MED27: variants seen among roughly 807,000 people sequenced by gnomAD.
The protein encoded by MED27 is mediator of RNA polymerase II transcription subunit 27.
In MED27, 30 loss-of-function variants were observed where a neutral mutation model predicts 38.2. That is an observed-to-expected ratio of 0.79 (90% CI 0.59 to 1.07). MED27 has a LOEUF of 1.07. MED27 is among the 50% of genes least tolerant of loss of function. The pLI is 0.00. For missense variants in MED27, 289 were observed against 397.5 expected (o/e 0.73, Z 2.32); for synonymous variants, 122 against 153.5 (o/e 0.79, Z 1.52).
intron 2 of MED27, among the ~76,000 whole-genome samples, chr9:132,025,434 G>A (rs577780312): frequency 4.6e-5 from 7 of 152,150 alleles, no homozygotes; most frequent in East Asian, 1.9e-4. Flanking sequence ...TGCCCGCCTC[G>A]ACCTCCCAAA....
intron 3 of MED27, among the ~76,000 whole-genome samples, chr9:131,942,002 T>G (rs1220066494): frequency 6.6e-6 from 1 of 151,950 alleles, no homozygotes; most frequent in Non-Finnish European, 1.5e-5. Flanking sequence ...ACTTTTTGTA[T>G]TTTTAGTAGA....
intron 4 of MED27, among the ~76,000 whole-genome samples, chr9:131,901,849 A>C (rs1361751913): frequency 6.6e-6 from 1 of 152,194 alleles, no homozygotes; most frequent in African/African-American, 2.4e-5. Context: ...TCTGCCTAAC[A>C]ACCCGGGATT....
At position 132,003,583 on chromosome 9, in the gene MED27, A is replaced by G. The variant is rs1451936069; in HGVS notation, c.479+10754T>C. Among the ~76,000 whole-genome samples, 2 of 151,684 alleles carry G rather than the reference A, an allele frequency of 1.3e-5. No individual in the cohort carries two copies. The highest frequency in any genetic ancestry group is 2.9e-5 in the Non-Finnish European group (2 of 67,916). ...ATGGGGTGGCAGGGCTCTGTCACCA[A>G]CTCCTCTGCCTGCTCTTCTGGTCTC... On this transcript the variant is annotated intron_variant, in intron 3 of 7. Coordinates refer to ENST00000292035, the MANE Select transcript of MED27 (RefSeq NM_004269.4). The surrounding 1 kb of genome is among the most constrained non-coding windows in gnomAD (Gnocchi z 4.2).
chr9:131,929,542 G>A (rs1830542747), intron 4 of MED27, among the ~76,000 whole-genome samples: 1 of 152,156 alleles, frequency 6.6e-6, no homozygotes, highest in African/African-American at 2.4e-5. Flanking sequence ...CCTGTATGGT[G>A]AGTGTAAATT....
intron 4 of MED27, among the ~76,000 whole-genome samples, chr9:131,930,555 T>G (rs1167025835): frequency 6.6e-6 from 1 of 152,038 alleles, no homozygotes. Flanking sequence ...AAAGACTTTT[T>G]CAGACAAACA....
At chr9:131,915,616 T>C (rs1830275180) in intron 4 of MED27, among the ~76,000 whole-genome samples, 1 of 152,250 alleles carries the variant, frequency 6.6e-6, no homozygotes, top group Non-Finnish European at 1.5e-5. Flanking sequence ...ATTAAGTGCA[T>C]GAACAAGGCC....
At chr9:132,058,048 C>T (rs1420546471) in intron 2 of MED27, among the ~76,000 whole-genome samples, 2 of 152,044 alleles carry the variant, frequency 1.3e-5, no homozygotes, top group Non-Finnish European at 2.9e-5. Flanking sequence ...AGTGATAATC[C>T]TATTTTTTTA....
intron 4 of MED27, among the ~76,000 whole-genome samples, chr9:131,918,627 T>G (rs979008077): frequency 1.3e-5 from 2 of 152,244 alleles, no homozygotes; most frequent in African/African-American, 4.8e-5. Flanking sequence ...AAAACAGGTT[T>G]AATGCCCAAG....
At chr9:131,876,127 A>G (rs1005591889) in intron 6 of MED27, among the ~76,000 whole-genome samples, 3 of 152,156 alleles carry the variant, frequency 2.0e-5, no homozygotes, top group Non-Finnish European at 4.4e-5. Flanking sequence ...CCATGCATGG[A>G]GTTTACAGCC....
chr9:131,891,925 A>G (rs1839235557), intron 5 of MED27, among the ~76,000 whole-genome samples: 1 of 152,204 alleles, frequency 6.6e-6, no homozygotes, highest in Non-Finnish European at 1.5e-5. Context: ...CTGACAGCCT[A>G]GACCGGCGGG....
chr9:131,960,862 C>A (rs1700708894), intron 3 of MED27, among the ~76,000 whole-genome samples: 1 of 152,096 alleles, frequency 6.6e-6, no homozygotes, highest in Non-Finnish European at 1.5e-5. Flanking sequence ...ATCAATTATC[C>A]TCAGTCGATG....
rs1177421959 is a variant in MED27, at chr9:131,862,096, G to A, written c.801+967C>T. On this transcript the variant is annotated intron_variant, in intron 7 of 7. Transcript: ENST00000292035. This position sits in a 1 kb window ranked among gnomAD's most constrained non-coding sequence, Gnocchi z 4.6. ...CACTCTGTGGGAGCTCTGAGCACCT[G>A]GCTGTGTTGTGCCCACTCTGCCAGC... Among the ~76,000 whole-genome samples, 2 of 152,222 alleles carry A rather than the reference G, an allele frequency of 1.3e-5. No individual in the cohort carries two copies. The highest frequency in any genetic ancestry group is 4.8e-5 in the African/African-American group (2 of 41,454).
chr9:132,018,490 A>G (rs567846646), intron 2 of MED27, among the ~76,000 whole-genome samples: 1 of 152,196 alleles, frequency 6.6e-6, no homozygotes, highest in African/African-American at 2.4e-5. Flanking sequence ...TGTCTTCTGC[A>G]TTGTTCTGAA....
At position 131,860,735 on chromosome 9, in the gene MED27, T is replaced by G; in HGVS notation, c.802-63A>C. 1 of 1,579,044 alleles carries G rather than the reference T, an allele frequency of 6.3e-7. No individual in the cohort carries two copies. Among genetic ancestry groups the G allele is most frequent in the Non-Finnish European group, 8.6e-7 (1 of 1,159,056 alleles). On this transcript the variant is annotated intron_variant, in intron 7 of 7. Transcript: ENST00000292035. The surrounding 1 kb of genome is among the most constrained non-coding windows in gnomAD (Gnocchi z 5.8). ...ATACGGGTGCTCCCAAAGTCCTCCT[T>G]CCTATCAAGCCTAATGGCCCAGACA...
At chr9:131,920,066 C>T (rs1333025837) in intron 4 of MED27, among the ~76,000 whole-genome samples, 5 of 152,160 alleles carry the variant, frequency 3.3e-5, no homozygotes, top group African/African-American at 1.2e-4. Flanking sequence ...CTGCCTCAGC[C>T]TCCTAAAGTG....
At chr9:131,949,009 C>G (rs529994305) in intron 3 of MED27, among the ~76,000 whole-genome samples, 2 of 152,352 alleles carry the variant, frequency 1.3e-5, no homozygotes, top group African/African-American at 4.8e-5. Context: ...TGCCTACCTT[C>G]TTCCTGCTAC....
At chr9:131,939,544 A>G in intron 3 of MED27, 70 bp from the exon 4 acceptor site, 1 of 912,372 alleles carries the variant, frequency 1.1e-6, no homozygotes, top group African/African-American at 1.7e-5. Flanking sequence ...ATAGTATTCA[A>G]AAGACATTGC....
rs2131051128 is a variant in MED27, at chr9:131,997,379, G to A, written c.479+16958C>T. Among the ~76,000 whole-genome samples the A allele has an allele frequency of 1.3e-5, 2 of 152,308 alleles. No homozygotes were observed. The highest frequency in any genetic ancestry group is 3.9e-4 in the East Asian group (2 of 5,182). On this transcript the variant is annotated intron_variant, in intron 3 of 7. Transcript: ENST00000292035. This position sits in a 1 kb window ranked among gnomAD's most constrained non-coding sequence, Gnocchi z 4.0. ...TCAGGGTCAGCCTCTGCTGCAGACA[G>A]CTATCTCACCGAGGTCACAGCCTTC...
intron 5 of MED27, among the ~76,000 whole-genome samples, chr9:131,888,094 T>A (rs1231184437): frequency 6.6e-6 from 1 of 152,160 alleles, no homozygotes; most frequent in Non-Finnish European, 1.5e-5. Context: ...AGCGACCCAG[T>A]ATCAGCAGGC....
Sources: allele counts gnomAD v4.1 joint callset (sites outside exome capture counted in the v4.1 genomes callset), GRCh38; gene constraint gnomAD v4.1.1; non-coding constraint Gnocchi (gnomAD v3.1); transcripts MANE v1.5; gene names NCBI Gene and HGNC (gene_info 2026-07-23, HGNC 2026-07-21).